ZSWIM8: variants seen among roughly 807,000 people sequenced by gnomAD.
ZSWIM8 encodes the protein zinc finger SWIM-type containing 8.
Under a neutral mutation model 173.7 loss-of-function variants are expected in ZSWIM8, and 27 were observed. The ratio of observed to expected loss-of-function variants is 0.16; its 90% CI spans 0.11 to 0.21. The LOEUF (loss-of-function observed/expected upper bound fraction) is 0.21. Among genes scored for constraint, ZSWIM8 ranks in the 10% least tolerant of loss-of-function variants. ZSWIM8 has a pLI of 1.00. For missense variants in ZSWIM8, 1,627 were observed against 2,428.8 expected (o/e 0.67, Z 6.94); for synonymous variants, 958 against 962.0 (o/e 1.00, Z 0.08).
chr10:73,799,985 T>C, intron 21 of ZSWIM8, 26 bp from the exon 22 acceptor site: 1 of 1,607,796 alleles, frequency 6.2e-7, no homozygotes, highest in Non-Finnish European at 8.5e-7. Flanking sequence ...GTTTGGCATC[T>C]TCCCCTTTCT....
At chr10:73,794,421 T>C (rs2083534375) in intron 13 of ZSWIM8, 91 bp downstream of exon 13, 1 of 1,567,544 alleles carries the variant, frequency 6.4e-7, no homozygotes, top group Admixed American at 1.7e-5. Context: ...CTGAATCACC[T>C]TTAGGACCCA....
intron 1 of ZSWIM8, chr10:73,786,406 C>T (rs2083228274): frequency 6.3e-6 from 2 of 317,860 alleles, no homozygotes; most frequent in Admixed American, 5.0e-5. Flanking sequence ...GTAAATCTTT[C>T]GTCACTCCTT....
chr10:73,797,659 A>G lies in ZSWIM8; in HGVS notation c.3662+54A>G, dbSNP rs1277175916. On this transcript the variant is annotated intron_variant, in intron 18 of 25. Transcript: ENST00000604729. This position sits in a 1 kb window ranked among gnomAD's most constrained non-coding sequence, Gnocchi z 5.6. Reference sequence around the variant, plus strand: ...TGATCTGGCCCACCCTCAGAGCCACACCCCTAGTGCAATCCAACCATTGTC... The same window carrying G: ...TGATCTGGCCCACCCTCAGAGCCACGCCCCTAGTGCAATCCAACCATTGTC... The G allele has an allele frequency of 6.3e-7, 1 of 1,592,992 alleles. No homozygotes were observed. Among genetic ancestry groups the G allele is most frequent in the Non-Finnish European group, 8.6e-7 (1 of 1,166,582 alleles).
rs2083504702 is a variant in ZSWIM8, at chr10:73,793,721, T to TGA, written c.2445+7_2445+8dup. On this transcript the variant is annotated splice_region_variant and intron_variant, in intron 11 of 25. Transcript: ENST00000604729. ...AAGGTAGAGCCGCCCCCTGCCAAGG[T>TGA]GAGAGACCCCCTTCCTCTACCTTCC... 6.3e-6 allele frequency: 10 copies of TGA among 1,589,214 alleles called. No individual in the cohort carries two copies. The highest frequency in any genetic ancestry group is 4.5e-5 in the East Asian group (2 of 44,180).
At position 73,785,712 on chromosome 10, in the gene ZSWIM8, T is replaced by A. The variant is rs372131561; in HGVS notation, c.-167T>A. The A allele has an allele frequency of 2.7e-5, 20 of 737,396 alleles. No individual in the cohort carries two copies. In the South Asian group the frequency reaches 2.7e-4, roughly 10 times the overall value. 45.7% of individuals were successfully genotyped at this position (737,396 alleles called of 1,614,324 possible). Reference sequence around the variant, plus strand: ...CGCTGTTGGGCGAGGCCCGGTCCCGTCTCTTTCCCAGGCCTGAGATTCTCG... The same window carrying A: ...CGCTGTTGGGCGAGGCCCGGTCCCGACTCTTTCCCAGGCCTGAGATTCTCG... On this transcript the variant is annotated 5_prime_UTR_variant, in exon 1 of 26. Coordinates refer to ENST00000604729, the MANE Select transcript of ZSWIM8 (RefSeq NM_001367799.1).
rs750358975 is a variant in ZSWIM8, at chr10:73,791,282, T to C, written c.1144-42T>C. On this transcript the variant is annotated intron_variant, in intron 8 of 25. Coordinates refer to ENST00000604729, the MANE Select transcript of ZSWIM8 (RefSeq NM_001367799.1). The surrounding 1 kb of genome is among the most constrained non-coding windows in gnomAD (Gnocchi z 6.0). Reference sequence around the variant, plus strand: ...CTCTGGGAGGGCTACTCTGCCTTTCTCTGAGCTCTCAGGTGCAGCTCACAG... The same window carrying C: ...CTCTGGGAGGGCTACTCTGCCTTTCCCTGAGCTCTCAGGTGCAGCTCACAG... 13 of 1,582,530 alleles carry C rather than the reference T, an allele frequency of 8.2e-6. No homozygotes were observed. The highest frequency in any genetic ancestry group is 1.0e-5 in the Non-Finnish European group (12 of 1,158,084).
At chr10:73,790,391 C>G in intron 7 of ZSWIM8, 99 bp downstream of exon 7, 2 of 1,487,844 alleles carry the variant, frequency 1.3e-6, no homozygotes, top group Non-Finnish European at 1.8e-6. Flanking sequence ...TGACCCCTAC[C>G]TTTTATTCCC....
At position 73,789,258 on chromosome 10, in the gene ZSWIM8, A is replaced by G; in HGVS notation, c.457+68A>G. 1 of 1,608,130 alleles carries G rather than the reference A, an allele frequency of 6.2e-7. No individual in the cohort carries two copies. Among genetic ancestry groups the G allele is most frequent in the African/African-American group, 1.3e-5 (1 of 74,890 alleles). ...ATCCCCTGGCTTATGAAGTAAGAAC[A>G]CACCGCAAGAAGCTGGAGCATGTTG... On this transcript the variant is annotated intron_variant, in intron 3 of 25. Transcript: ENST00000604729. The surrounding 1 kb of genome is among the most constrained non-coding windows in gnomAD (Gnocchi z 6.8).
rs200340210 is a variant in ZSWIM8, at chr10:73,800,095, G to A, written c.4750G>A (p.Val1584Ile). 2.1e-4 allele frequency: 340 copies of A among 1,613,580 alleles called. No individual in the cohort carries two copies. The highest frequency in any genetic ancestry group is 1.3e-3 in the Middle Eastern group (8 of 6,084). Residue 1584 changes from valine to isoleucine, a missense_variant, in exon 22 of 26, where the codon GTT becomes ATT. Val to Ile is a conservative substitution (Grantham distance 29). Around this residue, in one of 18 missense-constraint regions of ZSWIM8, gnomAD observed 275 missense variants for 290.1 expected, o/e 0.95. Transcript: ENST00000604729. The surrounding 1 kb of genome is among the most constrained non-coding windows in gnomAD (Gnocchi z 4.1). Reference sequence around the variant, plus strand: ...TGCTGCCACTGCTGTGTCTTTCCCCGTTCCTTCCATGGCACCCATCACAGT... The same window carrying A: ...TGCTGCCACTGCTGTGTCTTTCCCCATTCCTTCCATGGCACCCATCACAGT... ...SLAATAVSFP[V>I]PSMAPITVHP... is the part of the protein sequence containing the mutation.
Position 73,789,955 on chromosome 10 carries a change from G to T in ZSWIM8, c.739-1G>T. 6.2e-7 allele frequency: 1 copy of T among 1,612,688 alleles called. No homozygotes were observed. The highest frequency in any genetic ancestry group is 8.5e-7 in the Non-Finnish European group (1 of 1,179,358). On this transcript the variant is annotated splice_acceptor_variant, in intron 5 of 25. Transcript: ENST00000604729. LOFTEE classifies it high-confidence loss of function. The surrounding 1 kb of genome is among the most constrained non-coding windows in gnomAD (Gnocchi z 6.8). ...CCTGCCTCCGTCTCTTTCTCCCTCA[G>T]ATCCTCCCCACAGCTCAGCGTCTCC...
At position 73,801,243 on chromosome 10, in the gene ZSWIM8, C is replaced by T. The variant is rs760873053; in HGVS notation, c.5301+48C>T. ...CAGGGTGGAGCACTTCCTGGGTGGT[C>T]TTGGACCAGAGGGAGGCAGGGCCTG... On this transcript the variant is annotated intron_variant, in intron 25 of 25. Coordinates refer to ENST00000604729, the MANE Select transcript of ZSWIM8 (RefSeq NM_001367799.1). The surrounding 1 kb of genome is among the most constrained non-coding windows in gnomAD (Gnocchi z 4.9). The T allele has an allele frequency of 5.0e-6, 8 of 1,602,770 alleles. No homozygotes were observed. In the Admixed American group the frequency reaches 1.4e-4, roughly 27 times the overall value.
chr10:73,801,208 A>G lies in ZSWIM8; in HGVS notation c.5301+13A>G. On this transcript the variant is annotated intron_variant, in intron 25 of 25. Coordinates refer to ENST00000604729, the MANE Select transcript of ZSWIM8 (RefSeq NM_001367799.1). The surrounding 1 kb of genome is among the most constrained non-coding windows in gnomAD (Gnocchi z 4.9). ...GGCATACATGCAGGTGACAACCTAG[A>G]ATTATGGAGCAGGGTGGAGCACTTC... is the stretch of plus-strand genomic sequence containing the variant. The G allele has an allele frequency of 4.4e-6, 7 of 1,602,228 alleles. No individual in the cohort carries two copies. The highest frequency in any genetic ancestry group is 6.0e-6 in the Non-Finnish European group (7 of 1,173,894).
At chr10:73,794,374 G>T (rs767619694) in intron 13 of ZSWIM8, 44 bp downstream of exon 13, 6 of 1,597,746 alleles carry the variant, frequency 3.8e-6, no homozygotes, top group African/African-American at 2.7e-5. Context: ...TGGGGTAGGG[G>T]TAGCTTTCTC....
Position 73,794,975 on chromosome 10 carries a change from A to G in ZSWIM8, c.2908+336A>G, listed in dbSNP as rs937071276. 7 of 197,034 alleles carry G rather than the reference A, an allele frequency of 3.6e-5. No homozygotes were observed. In the South Asian group the frequency reaches 3.8e-4, roughly 11 times the overall value. 12.2% of individuals were successfully genotyped at this position (197,034 alleles called of 1,614,324 possible). On this transcript the variant is annotated intron_variant, in intron 14 of 25. Transcript: ENST00000604729. Reference sequence around the variant, plus strand: ...AAAAATTAGCCAGGTGTGGTGGCACATGCCTTGTGCTGCCAGCTACTCCAG... The same window carrying G: ...AAAAATTAGCCAGGTGTGGTGGCACGTGCCTTGTGCTGCCAGCTACTCCAG...
At position 73,788,761 on chromosome 10, in the gene ZSWIM8, G is replaced by C; in HGVS notation, c.300G>C (p.Val100=). 1 of 1,614,014 alleles carries C rather than the reference G, an allele frequency of 6.2e-7. No individual in the cohort carries two copies. Among genetic ancestry groups the C allele is most frequent in the African/African-American group, 1.3e-5 (1 of 75,066 alleles). The change falls in exon 2 of 26, where the codon GTG becomes GTC. Residue 100 remains valine, a synonymous_variant. Transcript: ENST00000604729. ...FEVVEKVYPP[V]PEQLQLRIAF... ...TGGTGGAGAAAGTTTACCCACCAGTGCCTGAGCAGCTACAGCTCCGAATTG... is the reference window on the plus strand; with the variant it reads ...TGGTGGAGAAAGTTTACCCACCAGTCCCTGAGCAGCTACAGCTCCGAATTG...
chr10:73,791,856 C>T lies in ZSWIM8; in HGVS notation c.1320-3C>T. ...AGCAGCCTCCTGCCCCTTGTTCCCACAGGCGCCGGGAACTGTGTACGCAGC... is the reference window on the plus strand; with the variant it reads ...AGCAGCCTCCTGCCCCTTGTTCCCATAGGCGCCGGGAACTGTGTACGCAGC... On this transcript the variant is annotated splice_region_variant and splice_polypyrimidine_tract_variant and intron_variant, in intron 9 of 25. Transcript: ENST00000604729. This position sits in a 1 kb window ranked among gnomAD's most constrained non-coding sequence, Gnocchi z 6.0. The T allele has an allele frequency of 6.6e-7, 1 of 1,503,986 alleles. No individual in the cohort carries two copies. The highest frequency in any genetic ancestry group is 8.9e-7 in the Non-Finnish European group (1 of 1,117,436). The allele number at this position is 1,503,986 out of a possible 1,614,324, so 93.2% of individuals were successfully genotyped here. A position where few individuals can be genotyped will look rare whatever the true frequency, so the allele number is the denominator to read the frequency against.
rs759611181 is a variant in ZSWIM8 at position 73,796,760 on chromosome 10, C to T, written c.3034-14C>T. On this transcript the variant is annotated splice_polypyrimidine_tract_variant and intron_variant, in intron 15 of 25. Transcript: ENST00000604729. ...GTCACTGCTTCTCTGGAGGTCACTGCTTCTGTCTTCCAGATCTTAGACAAA... is the reference window on the plus strand; with the variant it reads ...GTCACTGCTTCTCTGGAGGTCACTGTTTCTGTCTTCCAGATCTTAGACAAA... 2.5e-6 allele frequency: 4 copies of T among 1,611,302 alleles called. No homozygotes were observed. The highest frequency in any genetic ancestry group is 4.5e-5 in the East Asian group (2 of 44,878).
chr10:73,786,944 T>A (rs1453372505), intron 1 of ZSWIM8, among the ~76,000 whole-genome samples: 7 of 22,910 alleles, frequency 3.1e-4, no homozygotes, highest in Non-Finnish European at 4.0e-4. Flanking sequence ...CATATATCAC[T>A]TTTTTTTTTT....
Position 73,792,027 on chromosome 10 carries a change from C to T in ZSWIM8, c.1488C>T (p.Thr496=). The part of the protein sequence containing the change: ...WEEAYPLPGV[T]YSGTDRKLAL... ...AGGCCTACCCACTTCCTGGTGTCAC[C>T]TACAGCGGCACTGACAGGAAGCTGG... Residue 496 remains threonine (T), a synonymous_variant, in exon 10 of 26, where the codon ACC becomes ACT. Coordinates refer to ENST00000604729, the MANE Select transcript of ZSWIM8 (RefSeq NM_001367799.1). This position sits in a 1 kb window ranked among gnomAD's most constrained non-coding sequence, Gnocchi z 4.3. 6.5e-7 allele frequency: 1 copy of T among 1,549,634 alleles called. No homozygotes were observed. Among genetic ancestry groups the T allele is most frequent in the Non-Finnish European group, 8.7e-7 (1 of 1,145,708 alleles).
Sources: gnomAD v4.1 joint callset for allele counts (sites outside exome capture counted in the v4.1 genomes callset) on GRCh38, gnomAD v4.1.1 for gene constraint, gnomAD v4.1.1 regional missense constraint, Gnocchi (gnomAD v3.1) non-coding constraint, MANE v1.5 for transcripts, NCBI Gene and HGNC (gene_info 2026-07-23, HGNC 2026-07-21) for gene names.